The following CD48 variants were observed in gnomAD, a reference collection of about 807,000 sequenced individuals.
CD48 encodes CD48 molecule.
CD48 carries 20 observed loss-of-function variants against 22.0 expected under a neutral mutation model. The ratio of observed to expected loss-of-function variants is 0.91; its 90% CI spans 0.64 to 1.32. CD48 has a LOEUF of 1.32. Among genes scored for constraint, CD48 ranks in the 40% most tolerant of loss-of-function variants. CD48 has a pLI of 0.00. For missense variants in CD48, 307 were observed against 286.5 expected (o/e 1.07, Z -0.52); for synonymous variants, 110 against 110.1 (o/e 1.00, Z 0.01).
chr1:160,695,977 T>A (rs1662403724), intron 1 of CD48, among the ~76,000 whole-genome samples: 1 of 152,300 alleles, frequency 6.6e-6, no homozygotes, highest in South Asian at 2.1e-4. Flanking sequence ...TTCTGGTGCA[T>A]GGCAGATTGG....
chr1:160,697,887 GT>G (rs1265090838), intron 1 of CD48, among the ~76,000 whole-genome samples: 2 of 152,138 alleles, frequency 1.3e-5, no homozygotes, highest in Non-Finnish European at 2.9e-5. Flanking sequence ...TTAACAGAAA[GT>G]CTAGACAAAC....
intron 1 of CD48, among the ~76,000 whole-genome samples, chr1:160,702,281 C>T (rs143429226): frequency 5.9e-4 from 90 of 152,186 alleles, no homozygotes; most frequent in African/African-American, 2.0e-3. Flanking sequence ...AGAGATCAAC[C>T]ACCCCGCCTC....
chr1:160,701,144 T>C (rs970733861), intron 1 of CD48, among the ~76,000 whole-genome samples: 11 of 144,782 alleles, frequency 7.6e-5, no homozygotes, highest in Non-Finnish European at 1.5e-4. Flanking sequence ...TAAAAGCAAA[T>C]TTTTCACAAT....
intron 1 of CD48, among the ~76,000 whole-genome samples, chr1:160,689,278 A>T (rs1216891747): frequency 2.6e-5 from 4 of 151,530 alleles, no homozygotes; most frequent in Non-Finnish European, 4.4e-5. Flanking sequence ...GGCAACGGTC[A>T]TCTGTGGCTC....
intron 1 of CD48, among the ~76,000 whole-genome samples, chr1:160,694,029 C>T (rs991998098): frequency 5.9e-5 from 9 of 152,318 alleles, no homozygotes; most frequent in Admixed American, 3.3e-4. Context: ...GTATATGGCC[C>T]GCTGCCTGAG....
rs138797073 is a variant in CD48, at chr1:160,682,170, G to A, written c.386-702C>T. 3.6e-3 allele frequency among the ~76,000 whole-genome samples: 553 copies of A among 152,172 alleles called. 4 individuals carry two copies. The highest frequency in any genetic ancestry group is 0.013 in the African/African-American group (523 of 41,496). ...GAGATAGAAAGGATAAAACACAGCC[G>A]GGTGCAGCGGCTCACACCTGTAATC... On this transcript the variant is annotated intron_variant, in intron 2 of 3. Transcript: ENST00000368046.
At chr1:160,708,108 G>C (rs1662846590) in intron 1 of CD48, among the ~76,000 whole-genome samples, 1 of 152,170 alleles carries the variant, frequency 6.6e-6, no homozygotes, top group African/African-American at 2.4e-5. Context: ...TTCTGTACGA[G>C]GAATTAGCCT....
At position 160,704,248 on chromosome 1, in the gene CD48, A is replaced by T. The variant is rs543152978; in HGVS notation, c.82+7434T>A. Among the ~76,000 whole-genome samples the T allele has an allele frequency of 3.9e-5, 6 of 152,292 alleles. No homozygotes were observed. The East Asian group carries it at 1.2e-3, about 29-fold the overall frequency. ...ATTCATGTAATCCATTTTACAAAAC[A>T]TATCTTAAACATTAATTAGACCACA... On this transcript the variant is annotated intron_variant, in intron 1 of 3. Transcript: ENST00000368046.
chr1:160,685,642 A>G (rs1308448959), intron 1 of CD48, among the ~76,000 whole-genome samples: 2 of 152,208 alleles, frequency 1.3e-5, no homozygotes, highest in African/African-American at 2.4e-5. Context: ...TTAATATACC[A>G]ATGTGGGAGG....
intron 2 of CD48, chr1:160,683,813 T>C (rs1001486952): frequency 6.6e-6 from 1 of 152,206 alleles, no homozygotes; most frequent in African/African-American, 2.4e-5. Context: ...CATAATATGA[T>C]GAAGAACCCA....
chr1:160,681,764 C>G (rs577230638), intron 2 of CD48, among the ~76,000 whole-genome samples: 2 of 152,176 alleles, frequency 1.3e-5, no homozygotes, highest in Non-Finnish European at 2.9e-5. Flanking sequence ...TGAGCCTGAA[C>G]GAACAGCCCA....
intron 1 of CD48, among the ~76,000 whole-genome samples, chr1:160,705,860 G>GT (rs1662774240): frequency 6.6e-6 from 1 of 152,162 alleles, no homozygotes; most frequent in African/African-American, 2.4e-5. Context: ...CTAGGTGCCA[G>GT]TAACACTTGT....
chr1:160,682,518 GGAAAAA>G (rs1279522348), intron 2 of CD48, among the ~76,000 whole-genome samples: 1 of 135,750 alleles, frequency 7.4e-6, no homozygotes, highest in African/African-American at 2.7e-5. Context: ...AGAGAAGAGA[GGAAAAA>G]GAAAAAGAAG....
intron 2 of CD48, among the ~76,000 whole-genome samples, chr1:160,682,953 G>C (rs1375326491): frequency 6.6e-6 from 1 of 152,152 alleles, no homozygotes; most frequent in African/African-American, 2.4e-5. Context: ...GCAGAGAATT[G>C]ACCAGATCAG....
chr1:160,681,464 A>G lies in CD48; in HGVS notation c.390T>C (p.Pro130=). The part of the protein sequence containing the change: ...EWKIKLQVLD[P]VPKPVIKIEK... Reference sequence around the variant, plus strand: ...CAATTTTGATGACAGGCTTGGGTACAGGGTCTGAAAGTGAGGAGGATGTTA... The same window carrying G: ...CAATTTTGATGACAGGCTTGGGTACGGGGTCTGAAAGTGAGGAGGATGTTA... Residue 130 remains proline (P), a synonymous_variant, in exon 3 of 4, where the codon CCT becomes CCC. Coordinates refer to ENST00000368046, the MANE Select transcript of CD48 (RefSeq NM_001778.4). 6.2e-7 allele frequency: 1 copy of G among 1,613,412 alleles called. No homozygotes were observed. Among genetic ancestry groups the G allele is most frequent in the African/African-American group, 1.3e-5 (1 of 74,994 alleles).
intron 1 of CD48, among the ~76,000 whole-genome samples, chr1:160,686,119 T>A (rs1661991778): frequency 6.6e-6 from 1 of 152,162 alleles, no homozygotes; most frequent in African/African-American, 2.4e-5. Flanking sequence ...ATTTTTTTTT[T>A]ACAGAGAAAG....
At chr1:160,697,025 A>G (rs1323507873) in intron 1 of CD48, among the ~76,000 whole-genome samples, 1 of 151,866 alleles carries the variant, frequency 6.6e-6, no homozygotes, top group Non-Finnish European at 1.5e-5. Flanking sequence ...GGAGTGTACC[A>G]CTCCTCAGAT....
At chr1:160,696,668 G>T (rs906794976) in intron 1 of CD48, among the ~76,000 whole-genome samples, 1 of 150,010 alleles carries the variant, frequency 6.7e-6, no homozygotes, top group African/African-American at 2.5e-5. Context: ...ATGCATTATG[G>T]CAAATGGATG....
chr1:160,701,520 T>A (rs937947603), intron 1 of CD48, among the ~76,000 whole-genome samples: 5 of 152,066 alleles, frequency 3.3e-5, no homozygotes, highest in Admixed American at 2.6e-4. Context: ...AAGAATAACC[T>A]AAACCAGCCC....
Sources: allele counts gnomAD v4.1 joint callset (sites outside exome capture counted in the v4.1 genomes callset), GRCh38; gene constraint gnomAD v4.1.1; transcripts MANE v1.5; gene names NCBI Gene and HGNC (gene_info 2026-07-23, HGNC 2026-07-21).